VSIG1: variants seen among roughly 807,000 people sequenced by gnomAD.
VSIG1 encodes the protein V-set and immunoglobulin domain-containing protein 1.
Under a neutral mutation model 20.1 loss-of-function variants are expected in VSIG1, and 11 were observed. The observed-to-expected ratio is 0.55, with a 90% CI of 0.34 to 0.91. The LOEUF (loss-of-function observed/expected upper bound fraction) is 0.91. VSIG1 is among the 40% of genes least tolerant of loss of function. The probability of loss-of-function intolerance (pLI) is 0.02; values close to 1 mark genes in which losing one functional copy is unlikely to be tolerated. For synonymous variants in VSIG1, 126 were observed against 116.7 expected (o/e 1.08, Z -0.52); for missense variants, 283 against 298.8 (o/e 0.95, Z 0.39).
At chrX:108,031,679 TA>T in the VSIG1 span, among the ~76,000 whole-genome samples, 1 of 112,608 alleles carries the variant, frequency 8.9e-6, no homozygotes, top group East Asian at 2.8e-4. Flanking sequence ...AATAATTTTA[TA>T]GGTCAAACTA....
chrX:108,070,789 T>A (rs778853516), intron 3 of VSIG1, among the ~76,000 whole-genome samples: 1 of 112,411 alleles, frequency 8.9e-6, no homozygotes, highest in South Asian at 3.7e-4. Flanking sequence ...AGTAGAAGGA[T>A]ATTCCTTTCA....
At chrX:108,040,367 A>C (rs975493776), upstream of VSIG1, among the ~76,000 whole-genome samples, 2 of 112,101 alleles carry the variant, frequency 1.8e-5, no homozygotes, top group Non-Finnish European at 1.9e-5. Flanking sequence ...AGGACCACAG[A>C]GGAGGTTTAC....
At chrX:108,032,722 G>C in the VSIG1 span, among the ~76,000 whole-genome samples, 1 of 111,352 alleles carries the variant, frequency 9.0e-6, no homozygotes, top group Non-Finnish European at 1.9e-5. Flanking sequence ...AGCATTTTTA[G>C]CATGTTTGAG....
At chrX:108,071,900 A>C (rs2031254564) in intron 3 of VSIG1, among the ~76,000 whole-genome samples, 1 of 109,372 alleles carries the variant, frequency 9.1e-6, no homozygotes, top group African/African-American at 3.3e-5. Flanking sequence ...TGCAAAAAAA[A>C]AAAAAAAAAA....
In VSIG1 at chrX:108,077,605, G is replaced by A. The variant is rs990319714; in HGVS notation, c.*224G>A. ...AGAATACTAACAATTTTACTAACAC[G>A]TAAGCATAACAAATGACAGGGCAAG... On this transcript the variant is annotated 3_prime_UTR_variant, in exon 7 of 7. Transcript: ENST00000217957. The A allele has an allele frequency of 2.7e-6, 1 of 373,880 alleles. No homozygotes were observed. The highest frequency in any genetic ancestry group is 4.5e-6 in the Non-Finnish European group (1 of 221,037). The allele number at this position is 373,880 out of a possible 1,213,427, so 30.8% of individuals were successfully genotyped here.
chrX:108,067,160 CT>C (rs1213701277), intron 3 of VSIG1, 26 bp downstream of exon 3: 1 of 1,203,867 alleles, frequency 8.3e-7, no homozygotes, highest in East Asian at 3.0e-5. Flanking sequence ...TCTGCTTTTT[CT>C]TTTCTTGGAA....
intron 3 of VSIG1, among the ~76,000 whole-genome samples, chrX:108,070,227 CT>C (rs989154912): frequency 9.1e-6 from 1 of 110,061 alleles, no homozygotes; most frequent in African/African-American, 3.3e-5. Flanking sequence ...TTTCTTTTTT[CT>C]TTTTTTTTCT....
the VSIG1 span, among the ~76,000 whole-genome samples, chrX:108,029,363 G>A: frequency 9.0e-6 from 1 of 111,191 alleles, no homozygotes; most frequent in Non-Finnish European, 1.9e-5. Context: ...ATTTCCCCCA[G>A]GCTGTTCGAG....
chrX:108,071,479 A>T (rs1334766016), intron 3 of VSIG1, among the ~76,000 whole-genome samples: 2 of 111,707 alleles, frequency 1.8e-5, no homozygotes, highest in Admixed American at 1.9e-4. Flanking sequence ...AGTAAGATGA[A>T]TGAGGAGATT....
intron 3 of VSIG1, 80 bp from the exon 4 acceptor site, chrX:108,072,597 T>C: frequency 2.0e-6 from 2 of 977,587 alleles, no homozygotes; most frequent in African/African-American, 1.9e-5. Context: ...TTATTCAAAA[T>C]GAAAGTGAGG....
chrX:108,046,855 G>A (rs1230225836), intron 1 of VSIG1, among the ~76,000 whole-genome samples: 1 of 110,575 alleles, frequency 9.0e-6, no homozygotes, highest in East Asian at 2.8e-4. Flanking sequence ...ATACTTCAGA[G>A]TGTGTTTCCT....
At chrX:108,074,485 C>T (rs1407024002) in intron 5 of VSIG1, among the ~76,000 whole-genome samples, 3 of 111,478 alleles carry the variant, frequency 2.7e-5, no homozygotes, top group Admixed American at 9.6e-5. Flanking sequence ...TTCTTCCTTC[C>T]TTCCTCAAAT....
At chrX:108,065,163 G>T (rs1238068845) in intron 2 of VSIG1, among the ~76,000 whole-genome samples, 2 of 112,022 alleles carry the variant, frequency 1.8e-5, no homozygotes, top group Non-Finnish European at 3.8e-5. Flanking sequence ...TTCTGCCTTA[G>T]TTTTAAAATA....
intron 1 of VSIG1, among the ~76,000 whole-genome samples, chrX:108,057,429 G>A (rs1602571878): frequency 8.9e-6 from 1 of 112,161 alleles, no homozygotes; most frequent in Admixed American, 9.4e-5. Context: ...GAATAAGGTC[G>A]ATAGGTTTTA....
chrX:108,040,527 AC>A (rs779630404), upstream of VSIG1, among the ~76,000 whole-genome samples: 2 of 112,135 alleles, frequency 1.8e-5, no homozygotes, highest in Non-Finnish European at 3.8e-5. Flanking sequence ...TAAACTACAT[AC>A]CCTTTGATCA....
chrX:108,035,655 C>G, the VSIG1 span, among the ~76,000 whole-genome samples: 4 of 111,489 alleles, frequency 3.6e-5, no homozygotes, highest in Middle Eastern at 0.014. Context: ...CCCACAGTCT[C>G]TTTCCTGTAC....
At chrX:108,047,861 T>TATATATACAC (rs1569287140) in intron 1 of VSIG1, among the ~76,000 whole-genome samples, 1 of 61,197 alleles carries the variant, frequency 1.6e-5, no homozygotes, top group Non-Finnish European at 2.6e-5. Context: ...TATATACACA[T>TATATATACAC]ATATATATAC....
At chrX:108,038,408 T>C in the VSIG1 span, among the ~76,000 whole-genome samples, 1 of 111,832 alleles carries the variant, frequency 8.9e-6, no homozygotes, top group Non-Finnish European at 1.9e-5. Flanking sequence ...GCTTCATCCA[T>C]GTCCCTGCAA....
At chrX:108,024,407 G>GT in the VSIG1 span, among the ~76,000 whole-genome samples, 594 of 108,593 alleles carry the variant, frequency 5.5e-3, 3 homozygotes, top group South Asian at 0.029. Flanking sequence ...TCATTTCACT[G>GT]TTTTTTTTCT....
Sources: allele counts gnomAD v4.1 joint callset (sites outside exome capture counted in the v4.1 genomes callset), GRCh38; gene constraint gnomAD v4.1.1; transcripts MANE v1.5; gene names NCBI Gene and HGNC (gene_info 2026-07-23, HGNC 2026-07-21).